GIGYF2: variants seen among roughly 807,000 people sequenced by gnomAD.
The protein encoded by GIGYF2 is GRB10 interacting GYF protein 2.
Under a neutral mutation model 208.1 loss-of-function variants are expected in GIGYF2, and 25 were observed. The ratio of observed to expected loss-of-function variants is 0.12; its 90% CI spans 0.09 to 0.17. The LOEUF (loss-of-function observed/expected upper bound fraction) is 0.17. Among genes scored for constraint, GIGYF2 ranks in the 10% least tolerant of loss-of-function variants. GIGYF2 has a pLI of 1.00. For missense variants in GIGYF2, 1,302 were observed against 1,579.4 expected, an observed-to-expected ratio of 0.82 and a Z score of 2.98; for synonymous variants, 534 against 543.8, an observed-to-expected ratio of 0.98 and a Z score of 0.25.
chr2:232,800,926 G>T (rs1333466324), intron 14 of GIGYF2, among the ~76,000 whole-genome samples: 1 of 151,788 alleles, frequency 6.6e-6, no homozygotes, highest in Non-Finnish European at 1.5e-5. Flanking sequence ...CACGCAGTCT[G>T]CAGTGCAGTG....
intron 22 of GIGYF2, among the ~76,000 whole-genome samples, chr2:232,835,845 C>T (rs1181495683): frequency 6.6e-6 from 1 of 152,082 alleles, no homozygotes; most frequent in Non-Finnish European, 1.5e-5. Flanking sequence ...TAGCTGATTG[C>T]TCTGTTGTTC....
chr2:232,833,974 A>G (rs2106410217), intron 22 of GIGYF2, among the ~76,000 whole-genome samples: 1 of 152,124 alleles, frequency 6.6e-6, no homozygotes, highest in East Asian at 1.9e-4. Flanking sequence ...AGAGGCCAGC[A>G]GGAGGGAGCT....
At position 232,771,487 on chromosome 2, in the gene GIGYF2, A is replaced by G. The variant is rs1699243342; in HGVS notation, c.532+10051A>G. On this transcript the variant is annotated intron_variant, in intron 8 of 28. Transcript: ENST00000373563. ...TTCTTGGGAATGCTTCTCTAACCAC[A>G]ACTTTGCCAACTCTCTCGCTTTTCT... 9 of 636,048 alleles carry G rather than the reference A, an allele frequency of 1.4e-5. No homozygotes were observed. The East Asian group carries it at 2.2e-4, about 16-fold the overall frequency. 39.4% of individuals were successfully genotyped at this position (636,048 alleles called of 1,614,324 possible). A position where few individuals can be genotyped will look rare whatever the true frequency, so the allele number is the denominator to read the frequency against.
Position 232,843,562 on chromosome 2 carries a change from CA to C in GIGYF2, c.2890-465del, listed in dbSNP as rs577833427. Reference sequence around the variant, plus strand: ...TGGGCGACAGAGCGAGACCCTGTCTCAAAAAAAAAAAAAAAAAAAGTAATTC... The same window carrying C: ...TGGGCGACAGAGCGAGACCCTGTCTCAAAAAAAAAAAAAAAAAAGTAATTC... On this transcript the variant is annotated intron_variant, in intron 23 of 28. Transcript: ENST00000373563. 9.9e-3 allele frequency among the ~76,000 whole-genome samples: 907 copies of C among 91,538 alleles called. 7 individuals carry two copies. Among genetic ancestry groups the C allele is most frequent in the African/African-American group, 0.032 (718 of 22,754 alleles). 60.1% of individuals were successfully genotyped at this position (91,538 alleles called of 152,430 possible).
intron 2 of GIGYF2, among the ~76,000 whole-genome samples, chr2:232,708,261 T>C (rs1177922072): frequency 1.3e-5 from 2 of 152,132 alleles, no homozygotes; most frequent in Admixed American, 1.3e-4. Context: ...TGTCCAGTAT[T>C]TGCACCTTTA....
intron 2 of GIGYF2, chr2:232,730,989 G>C (rs1428349947): frequency 6.6e-6 from 1 of 151,272 alleles, no homozygotes; most frequent in East Asian, 1.9e-4. Context: ...TGGGTTCCCA[G>C]CTCAAGACAT....
intron 2 of GIGYF2, chr2:232,729,607 A>G: frequency 7.9e-7 from 1 of 1,268,342 alleles, no homozygotes; most frequent in Non-Finnish European, 1.1e-6. Flanking sequence ...TATCTGTTCC[A>G]ACTTTATCAT....
chr2:232,753,102 T>TATTC (rs1297613158), intron 5 of GIGYF2, among the ~76,000 whole-genome samples: 1 of 108,350 alleles, frequency 9.2e-6, no homozygotes, highest in East Asian at 3.3e-4. Flanking sequence ...TGACAGTATT[T>TATTC]ATTTATTTAT....
At chr2:232,841,461 AT>A (rs57307878) in intron 23 of GIGYF2, among the ~76,000 whole-genome samples, 8,603 of 138,156 alleles carry the variant, frequency 0.062, 263 homozygotes, top group African/African-American at 0.072. Flanking sequence ...ACCACCAGCT[AT>A]TTTTTTTTTT....
At chr2:232,854,865 G>A (rs1690491711) in intron 28 of GIGYF2, among the ~76,000 whole-genome samples, 1 of 152,150 alleles carries the variant, frequency 6.6e-6, no homozygotes, top group African/African-American at 2.4e-5. Context: ...TTTAGAATAA[G>A]GACATTGCCT....
chr2:232,821,939 A>AT (rs34551222), intron 21 of GIGYF2, among the ~76,000 whole-genome samples: 1,419 of 137,344 alleles, frequency 0.01, 11 homozygotes, highest in South Asian at 0.021. Flanking sequence ...TTGTATAAAT[A>AT]TTTTTTTTTT....
At chr2:232,813,873 A>C (rs1700819496) in intron 18 of GIGYF2, among the ~76,000 whole-genome samples, 1 of 142,898 alleles carries the variant, frequency 7.0e-6, no homozygotes, top group Admixed American at 7.4e-5. Flanking sequence ...ACATGATTTC[A>C]CAAGTGGATT....
At position 232,720,583 on chromosome 2, in the gene GIGYF2, A is replaced by ATATATATATTTTT. The variant is rs376956632; in HGVS notation, c.-43-14571_-43-14570insATATATATTTTTT. On this transcript the variant is annotated intron_variant, in intron 2 of 28. Coordinates refer to ENST00000373563, the MANE Select transcript of GIGYF2 (RefSeq NM_001103146.3). ...CAGTGTAATATATATATATATATATATTTTTGTTTGTTTGTTTGTTTGTTT... is the reference window on the plus strand; with the variant it reads ...CAGTGTAATATATATATATATATATATATATATATTTTTTTTTTGTTTGTTTGTTTGTTTGTTT... Among the ~76,000 whole-genome samples the ATATATATATTTTT allele has an allele frequency of 2.8e-5, 4 of 144,918 alleles. No homozygotes were observed. The Admixed American group carries it at 2.8e-4, about 10-fold the overall frequency.
At chr2:232,711,709 A>ATATATATATATATG (rs1559375704) in intron 2 of GIGYF2, among the ~76,000 whole-genome samples, 39 of 135,688 alleles carry the variant, frequency 2.9e-4, no homozygotes, top group African/African-American at 1.3e-3. Context: ...AATGATGTAT[A>ATATATATATATATG]TATATATATA....
chr2:232,732,711 A>T (rs1337201557), intron 2 of GIGYF2, among the ~76,000 whole-genome samples: 1 of 149,866 alleles, frequency 6.7e-6, no homozygotes, highest in African/African-American at 2.5e-5. Flanking sequence ...TGCAATCACG[A>T]CTCATTGTAG....
chr2:232,713,076 A>ACTT (rs1696503483), intron 2 of GIGYF2, among the ~76,000 whole-genome samples: 1 of 72,392 alleles, frequency 1.4e-5, no homozygotes, highest in African/African-American at 6.1e-5. Context: ...TGTAGAAAAA[A>ACTT]CTTCTTTTTT....
intron 2 of GIGYF2, among the ~76,000 whole-genome samples, chr2:232,705,110 C>T (rs541341475): frequency 7.9e-5 from 12 of 151,164 alleles, no homozygotes; most frequent in Middle Eastern, 3.5e-3. Flanking sequence ...CCGCCTGCCT[C>T]GGCCTCCCAA....
At chr2:232,808,706 CATACTT>C (rs1370458854) in intron 15 of GIGYF2, among the ~76,000 whole-genome samples, 1 of 152,086 alleles carries the variant, frequency 6.6e-6, no homozygotes. Context: ...TTTAGTCTGT[CATACTT>C]ACACTTTTAC....
chr2:232,851,114 A>T (rs1690300787), intron 28 of GIGYF2, among the ~76,000 whole-genome samples: 1 of 152,086 alleles, frequency 6.6e-6, no homozygotes, highest in South Asian at 2.1e-4. Flanking sequence ...TGAGGCCAGG[A>T]GTTTGAGACC....
Sources: allele counts gnomAD v4.1 joint callset (sites outside exome capture counted in the v4.1 genomes callset), GRCh38; gene constraint gnomAD v4.1.1; transcripts MANE v1.5; gene names NCBI Gene and HGNC (gene_info 2026-07-23, HGNC 2026-07-21).